MIS18BP1: variants seen among roughly 807,000 people sequenced by gnomAD.
MIS18BP1 encodes mis18-binding protein 1.
MIS18BP1 carries 72 observed loss-of-function variants against 116.1 expected under a neutral mutation model. The observed-to-expected ratio is 0.62, with a 90% CI of 0.51 to 0.75. MIS18BP1 has a LOEUF of 0.75. Among genes scored for constraint, MIS18BP1 ranks in the 30% least tolerant of loss-of-function variants. The probability of loss-of-function intolerance (pLI) is 0.00; values close to 1 mark genes in which losing one functional copy is unlikely to be tolerated. For synonymous variants in MIS18BP1, 386 were observed against 427.0 expected (o/e 0.90, Z 1.18); for missense variants, 1,363 against 1,303.2 (o/e 1.05, Z -0.71).
At chr14:45,228,401 CATTTTGT>C (rs1891185292) in intron 8 of MIS18BP1, among the ~76,000 whole-genome samples, 1 of 152,106 alleles carries the variant, frequency 6.6e-6, no homozygotes, top group Non-Finnish European at 1.5e-5. Context: ...AAGGTTAATC[CATTTTGT>C]AAATAAAAAT....
intron 9 of MIS18BP1, 96 bp downstream of exon 9, chr14:45,227,567 A>T: frequency 9.8e-7 from 1 of 1,015,342 alleles, no homozygotes; most frequent in Non-Finnish European, 1.4e-6. Context: ...AAAAAAAAAC[A>T]GAACTCACGT....
At chr14:45,238,872 A>C (rs1891497737) in intron 4 of MIS18BP1, among the ~76,000 whole-genome samples, 1 of 152,170 alleles carries the variant, frequency 6.6e-6, no homozygotes, top group African/African-American at 2.4e-5. Flanking sequence ...CTCAGTAGTA[A>C]TGGCGAGGGG....
In MIS18BP1 at chr14:45,247,149, C is replaced by T. The variant is rs1034220792; in HGVS notation, c.138G>A (p.Val46=). The change falls in exon 2 of 17, where the codon GTG becomes GTA. Residue 46 remains valine, a synonymous_variant. Transcript: ENST00000310806. ...SGTLTPVKDL[V]KYQNSSLKLN... is the part of the protein sequence containing the mutation. ...ATTTTAAGGAGGAGTTCTGATATTT[C>T]ACCAAATCTTTTACAGGAGTAAGTG... 1 of 1,612,930 alleles carries T rather than the reference C, an allele frequency of 6.2e-7. No individual in the cohort carries two copies. The highest frequency in any genetic ancestry group is 8.5e-7 in the Non-Finnish European group (1 of 1,179,944).
At chr14:45,219,107 C>G (rs1890903567) in intron 11 of MIS18BP1, among the ~76,000 whole-genome samples, 1 of 152,128 alleles carries the variant, frequency 6.6e-6, no homozygotes, top group Admixed American at 6.5e-5. Flanking sequence ...AGATTTCATG[C>G]ATTGTGGTTA....
intron 11 of MIS18BP1, among the ~76,000 whole-genome samples, chr14:45,222,409 ATTAAATATAC>A (rs1185903125): frequency 6.6e-6 from 1 of 152,186 alleles, no homozygotes. Flanking sequence ...TAGGGATGAC[ATTAAATATAC>A]TTAACTTCAA....
At chr14:45,232,612 T>G (rs781627305) in intron 7 of MIS18BP1, 121 bp downstream of exon 7, 3 of 642,920 alleles carry the variant, frequency 4.7e-6, no homozygotes, top group South Asian at 1.6e-5. Flanking sequence ...CTGGCCAACA[T>G]GACGAAACCC....
chr14:45,215,086 C>T (rs191560734), intron 13 of MIS18BP1, among the ~76,000 whole-genome samples: 1 of 152,280 alleles, frequency 6.6e-6, no homozygotes, highest in Non-Finnish European at 1.5e-5. Context: ...TGCATTTAGG[C>T]TAAAATATAC....
intron 1 of MIS18BP1, among the ~76,000 whole-genome samples, chr14:45,252,691 C>T (rs1891911005): frequency 6.6e-6 from 1 of 151,658 alleles, no homozygotes; most frequent in African/African-American, 2.4e-5. Flanking sequence ...TCAACTGCTT[C>T]TATAGCCCTG....
At position 45,203,309 on chromosome 14, in the gene MIS18BP1, G is replaced by GTTTA. The variant is rs1269429168; in HGVS notation, c.*796_*799dup. 6.6e-6 allele frequency: 1 copy of GTTTA among 151,942 alleles called. No individual in the cohort carries two copies. Among genetic ancestry groups the GTTTA allele is most frequent in the Non-Finnish European group, 1.5e-5 (1 of 67,984 alleles). 9.4% of individuals were successfully genotyped at this position (151,942 alleles called of 1,614,324 possible). ...TTCAAAACATAACAAGCAAAAATAA[G>GTTTA]TTTATTTCTAAAAGAAATTTCAGTG... On this transcript the variant is annotated 3_prime_UTR_variant, in exon 17 of 17. Coordinates refer to ENST00000310806, the MANE Select transcript of MIS18BP1 (RefSeq NM_018353.5).
chr14:45,247,973 A>AT (rs1175099117), intron 1 of MIS18BP1, among the ~76,000 whole-genome samples: 2 of 148,548 alleles, frequency 1.3e-5, no homozygotes, highest in Non-Finnish European at 1.5e-5. Flanking sequence ...TTTCATTCTG[A>AT]TTTTTTTTAA....
chr14:45,241,897 TGAAGA>T (rs1388593053), intron 4 of MIS18BP1, 132 bp downstream of exon 4: 2 of 928,226 alleles, frequency 2.2e-6, no homozygotes, highest in African/African-American at 3.3e-5. Context: ...AACATGATAA[TGAAGA>T]CACTGTTAAT....
chr14:45,225,567 C>T (rs1213355607), intron 10 of MIS18BP1, among the ~76,000 whole-genome samples: 1 of 152,170 alleles, frequency 6.6e-6, no homozygotes, highest in Non-Finnish European at 1.5e-5. Context: ...GGAACTCCAT[C>T]TGCATGGTTC....
intron 4 of MIS18BP1, chr14:45,241,717 G>A (rs537847701): frequency 1.2e-4 from 25 of 211,876 alleles, no homozygotes; most frequent in Middle Eastern, 2.0e-3. Context: ...GTAAGTATCA[G>A]AAAAAAAAGA....
At chr14:45,232,693 C>A in intron 7 of MIS18BP1, 40 bp downstream of exon 7, 1 of 1,096,352 alleles carries the variant, frequency 9.1e-7, no homozygotes, top group South Asian at 1.4e-5. Context: ...AATTATATCT[C>A]AATAAAGTTG....
intron 12 of MIS18BP1, 37 bp downstream of exon 12, chr14:45,218,245 G>A: frequency 6.3e-7 from 1 of 1,585,904 alleles, no homozygotes; most frequent in Non-Finnish European, 8.6e-7. Context: ...AATCAACACT[G>A]AGTACTAGGA....
chr14:45,236,044 T>C (rs1891421591), intron 5 of MIS18BP1, 100 bp from the exon 6 acceptor site: 2 of 1,069,992 alleles, frequency 1.9e-6, no homozygotes, highest in African/African-American at 3.3e-5. Flanking sequence ...CTAAGAATGT[T>C]ATTAGTCTAA....
chr14:45,239,691 T>C (rs1312990972), intron 4 of MIS18BP1, among the ~76,000 whole-genome samples: 1 of 152,124 alleles, frequency 6.6e-6, no homozygotes, highest in Non-Finnish European at 1.5e-5. Context: ...TGAGACTATA[T>C]GAAGATTTTA....
At chr14:45,250,665 T>G (rs1566825736) in intron 1 of MIS18BP1, among the ~76,000 whole-genome samples, 1 of 152,190 alleles carries the variant, frequency 6.6e-6, no homozygotes, top group Admixed American at 6.5e-5. Context: ...CAAATGTTGA[T>G]GTACTAGGGA....
chr14:45,245,768 T>C (rs901374607), intron 2 of MIS18BP1, among the ~76,000 whole-genome samples: 1 of 152,370 alleles, frequency 6.6e-6, no homozygotes, highest in Non-Finnish European at 1.5e-5. Flanking sequence ...CCTCATCTAA[T>C]CTCATTGCTT....
Sources: allele counts gnomAD v4.1 joint callset (sites outside exome capture counted in the v4.1 genomes callset), GRCh38; gene constraint gnomAD v4.1.1; transcripts MANE v1.5; gene names NCBI Gene and HGNC (gene_info 2026-07-23, HGNC 2026-07-21).